The following NCOA4 variants were observed in gnomAD, a reference collection of about 807,000 sequenced individuals.
NCOA4 encodes nuclear receptor coactivator 4, also known as 70 kDa AR-activator.
NCOA4 carries 31 observed loss-of-function variants against 69.5 expected under a neutral mutation model. The ratio of observed to expected loss-of-function variants is 0.45; its 90% CI spans 0.34 to 0.60. The LOEUF is 0.60. NCOA4 is among the 20% of genes least tolerant of loss of function. The probability of loss-of-function intolerance (pLI) is 0.02; values close to 1 mark genes in which losing one functional copy is unlikely to be tolerated. For synonymous variants in NCOA4, 228 were observed against 252.4 expected (o/e 0.90, Z 0.92); for missense variants, 600 against 719.2 (o/e 0.83, Z 1.90).
intron 8 of NCOA4, 60 bp from the exon 9 acceptor site, chr10:46,009,611 A>G: frequency 5.5e-6 from 8 of 1,457,320 alleles, no homozygotes; most frequent in Non-Finnish European, 7.5e-6. Flanking sequence ...AGACCAACTT[A>G]TCTTCCAAAT....
chr10:46,027,286 AAAG>A, intron 1 of NCOA4: 5 of 750,680 alleles, frequency 6.7e-6, no homozygotes, highest in African/African-American at 5.5e-5. Flanking sequence ...AAAAAAAAAA[AAAG>A]AATGATTAAG....
intron 7 of NCOA4, among the ~76,000 whole-genome samples, chr10:46,012,136 T>C (rs1307264541): frequency 5.2e-5 from 4 of 76,478 alleles, no homozygotes; most frequent in African/African-American, 1.4e-4. Flanking sequence ...TCCTTACTAA[T>C]GGAAGAAAAA....
chr10:46,010,126 C>A, intron 8 of NCOA4, 97 bp downstream of exon 8: 1 of 1,418,546 alleles, frequency 7.0e-7, no homozygotes, highest in African/African-American at 1.4e-5. Context: ...TGAGATCGCA[C>A]CACTGCACTC....
In NCOA4 at chr10:46,013,608, C is replaced by A. The variant is rs1332509310; in HGVS notation, c.512G>T (p.Ser171Ile). ...CAGGAAGGGCCCAATATTTGCTGAA[C>A]TAGCATGAGCCATCAAGTGCTCAGG... Reference protein sequence around the residue: ...QIPEHLMAHASSANIGPFLEK... With the variant: ...QIPEHLMAHAISANIGPFLEK... Residue 171 changes from serine to isoleucine, a missense_variant, in exon 6 of 10, where the codon AGT becomes ATT. By Grantham distance (142) the Ser-to-Ile change is moderately radical (BLOSUM62 -2). Transcript: ENST00000581486. 1 of 1,613,322 alleles carries A rather than the reference C, an allele frequency of 6.2e-7. No homozygotes were observed.
At position 46,010,506 on chromosome 10, in the gene NCOA4, T is replaced by C; in HGVS notation, c.1415A>G (p.Lys472Arg). The C allele has an allele frequency of 1.2e-6, 2 of 1,614,198 alleles. No individual in the cohort carries two copies. The highest frequency in any genetic ancestry group is 1.7e-6 in the Non-Finnish European group (2 of 1,180,034). The change falls in exon 8 of 10, where the codon AAA (lysine) becomes AGA (arginine). Residue 472 changes from lysine (K) to arginine (R), a missense_variant. Lys to Arg is a conservative substitution (Grantham distance 26). Transcript: ENST00000581486. Reference sequence around the variant, plus strand: ...AGAAGGAGTCATTGCCTTTGGTGCTTTAGTTTGTTCTATTACTTCTTTTCT... The same window carrying C: ...AGAAGGAGTCATTGCCTTTGGTGCTCTAGTTTGTTCTATTACTTCTTTTCT... Reference protein sequence around the residue: ...CPRKEVIEQTKAPKAMTPSRI... With the variant: ...CPRKEVIEQTRAPKAMTPSRI...
At position 46,013,631 on chromosome 10, in the gene NCOA4, A is replaced by C. The variant is rs782325298; in HGVS notation, c.489T>G (p.Pro163=). 6.2e-7 allele frequency: 1 copy of C among 1,607,866 alleles called. No individual in the cohort carries two copies. The highest frequency in any genetic ancestry group is 8.5e-7 in the Non-Finnish European group (1 of 1,177,078). Residue 163 remains proline (P), a synonymous_variant, in exon 6 of 10, where the codon CCT becomes CCG. Transcript: ENST00000581486. ...TFGSLKTIQI[P]EHLMAHASSA... is the part of the protein sequence containing the mutation. ...AACTAGCATGAGCCATCAAGTGCTCAGGAATTTGCTACAAAATAGAGATAA... is the reference window on the plus strand; with the variant it reads ...AACTAGCATGAGCCATCAAGTGCTCCGGAATTTGCTACAAAATAGAGATAA...
intron 7 of NCOA4, among the ~76,000 whole-genome samples, chr10:46,011,923 T>C (rs1350856988): frequency 3.3e-5 from 5 of 150,760 alleles, no homozygotes; most frequent in Admixed American, 6.6e-5. Context: ...TAGCAGGGTG[T>C]GGTGGCAAGC....
chr10:46,014,602 T>A, intron 4 of NCOA4, 50 bp from the exon 5 acceptor site: 1 of 1,349,902 alleles, frequency 7.4e-7, no homozygotes, highest in Non-Finnish European at 1.0e-6. Context: ...ATCTGTTTCA[T>A]CAACTTCATC....
chr10:46,030,261 G>T (rs1371532002), intron 1 of NCOA4, among the ~76,000 whole-genome samples: 2 of 152,080 alleles, frequency 1.3e-5, no homozygotes, highest in Non-Finnish European at 2.9e-5. Context: ...GGAGGGTCGG[G>T]GAGGAAAAGA....
intron 9 of NCOA4, among the ~76,000 whole-genome samples, chr10:46,007,816 T>C (rs556924254): frequency 1.3e-5 from 2 of 152,154 alleles, no homozygotes; most frequent in South Asian, 4.1e-4. Flanking sequence ...GTTAAACTCC[T>C]TGGCTCAAGC....
At chr10:46,017,781 A>C (rs782254051) in intron 1 of NCOA4, among the ~76,000 whole-genome samples, 1 of 152,200 alleles carries the variant, frequency 6.6e-6, no homozygotes, top group African/African-American at 2.4e-5. Flanking sequence ...AACAGCATAT[A>C]ATGATAAAAT....
At chr10:46,007,050 C>G (rs1402372641) in intron 9 of NCOA4, among the ~76,000 whole-genome samples, 2 of 152,096 alleles carry the variant, frequency 1.3e-5, no homozygotes, top group African/African-American at 4.8e-5. Flanking sequence ...GCTGTGAGCA[C>G]AAAAGCAAAG....
In NCOA4 at chr10:46,006,011, C is replaced by T. The variant is rs1838787560; in HGVS notation, c.*581G>A. 1 of 205,462 alleles carries T rather than the reference C, an allele frequency of 4.9e-6. No homozygotes were observed. Among genetic ancestry groups the T allele is most frequent in the Admixed American group, 6.0e-5 (1 of 16,790 alleles). The allele number at this position is 205,462 out of a possible 1,614,324, so 12.7% of individuals were successfully genotyped here. A position where few individuals can be genotyped will look rare whatever the true frequency, so the allele number is the denominator to read the frequency against. On this transcript the variant is annotated 3_prime_UTR_variant, in exon 10 of 10. Coordinates refer to ENST00000581486, the MANE Select transcript of NCOA4 (RefSeq NM_001145263.2). ...AAGAATAATGTAGAACTAACGTGGG[C>T]TAAAATGTTTCATAATTAATGTCAA...
chr10:46,023,265 C>A, intron 1 of NCOA4: 1 of 985,140 alleles, frequency 1.0e-6, no homozygotes, highest in Non-Finnish European at 1.2e-6. Context: ...TCCTGCCCGG[C>A]GCCAGCCCTG....
In NCOA4 at chr10:46,016,581, C is replaced by T; in HGVS notation, c.100G>A (p.Val34Ile). ...TTAATTTGCTGTTCAGCCCGGAGAA[C>T]TCCACCAATAGCAAGCTCCAAGTCC... ...RRDLELAIGG[V>I]LRAEQQIKDN... is the part of the protein sequence containing the mutation. The change falls in exon 2 of 10, where the codon GTT becomes ATT. Residue 34 changes from valine (V) to isoleucine (I), a missense_variant. Coordinates refer to ENST00000581486, the MANE Select transcript of NCOA4 (RefSeq NM_001145263.2). 6.4e-7 allele frequency: 1 copy of T among 1,560,990 alleles called. No homozygotes were observed. The highest frequency in any genetic ancestry group is 8.7e-7 in the Non-Finnish European group (1 of 1,147,310).
At chr10:46,012,691 ATTCT>A (rs1427464059) in intron 7 of NCOA4, among the ~76,000 whole-genome samples, 188 bp downstream of exon 7, 1 of 152,070 alleles carries the variant, frequency 6.6e-6, no homozygotes, top group Non-Finnish European at 1.5e-5. Flanking sequence ...TTAATATAAA[ATTCT>A]TTATTTTTAA....
chr10:46,027,496 C>T (rs782367821), intron 1 of NCOA4: 3 of 1,549,726 alleles, frequency 1.9e-6, no homozygotes, highest in Admixed American at 2.0e-5. Context: ...TGTTCATGTG[C>T]GTTCTATGTT....
At position 46,011,915 on chromosome 10, in the gene NCOA4, G is replaced by T. The variant is rs1554921728; in HGVS notation, c.715-709C>A. Among the ~76,000 whole-genome samples, 3 of 151,340 alleles carry T rather than the reference G, an allele frequency of 2.0e-5. No individual in the cohort carries two copies. The East Asian group carries it at 5.9e-4, about 30-fold the overall frequency. On this transcript the variant is annotated intron_variant, in intron 7 of 9. Transcript: ENST00000581486. ...AAAATAAAAAATATGCAAAAAATTA[G>T]CAGGGTGTGGTGGCAAGCGCCTGTA... is the stretch of plus-strand genomic sequence containing the variant.
intron 1 of NCOA4, chr10:46,023,476 G>C: frequency 1.0e-6 from 1 of 985,600 alleles, no homozygotes; most frequent in Non-Finnish European, 1.2e-6. Flanking sequence ...CCACTAGCGA[G>C]CTGGAGCGCT....
Sources: gnomAD v4.1 joint callset for allele counts (sites outside exome capture counted in the v4.1 genomes callset) on GRCh38, gnomAD v4.1.1 for gene constraint, MANE v1.5 for transcripts, NCBI Gene and HGNC (gene_info 2026-07-23, HGNC 2026-07-21) for gene names.